CUL7: variants seen among roughly 807,000 people sequenced by gnomAD.
CUL7 encodes the protein cullin 7, also known as cullin-7.
A neutral mutation model predicts 177.7 loss-of-function variants in CUL7; 96 were observed. The ratio of observed to expected loss-of-function variants is 0.54; its 90% CI spans 0.46 to 0.64. The LOEUF is 0.64. CUL7 is among the 30% of genes least tolerant of loss of function. The pLI is 0.00. For missense variants in CUL7, 1,893 were observed against 2,187.9 expected, an observed-to-expected ratio of 0.87 and a Z score of 2.69; for synonymous variants, 824 against 890.2, an observed-to-expected ratio of 0.93 and a Z score of 1.32.
In CUL7 at chr6:43,040,351, C is replaced by T. The variant is rs751899710; in HGVS notation, c.4099G>A (p.Val1367Met). ...EEAGAAAVVDVAEGEEEEEEN... is the reference protein window; with the variant it reads ...EEAGAAAVVDMAEGEEEEEEN... Reference sequence around the variant, plus strand: ...TCCTCTTCCTCCTCTCCCTCCGCCACATCCACCACTGCTGCTGCCCCAGCT... The same window carrying T: ...TCCTCTTCCTCCTCTCCCTCCGCCATATCCACCACTGCTGCTGCCCCAGCT... The change falls in exon 22 of 26, where the codon GTG becomes ATG. Residue 1367 changes from valine to methionine, a missense_variant. By Grantham distance (21) the Val-to-Met change is conservative (BLOSUM62 1). Around this residue, in one of 5 missense-constraint regions of CUL7, gnomAD observed 973 missense variants for 1,140.9 expected, o/e 0.85. Transcript: ENST00000265348. This position sits in a 1 kb window ranked among gnomAD's most constrained non-coding sequence, Gnocchi z 4.2. 9.3e-6 allele frequency: 15 copies of T among 1,613,852 alleles called. No homozygotes were observed. Among genetic ancestry groups the T allele is most frequent in the Non-Finnish European group, 1.3e-5 (15 of 1,179,996 alleles).
intron 9 of CUL7, 168 bp downstream of exon 9, chr6:43,047,980 A>T: frequency 1.6e-6 from 1 of 606,960 alleles, no homozygotes; most frequent in Non-Finnish European, 2.9e-6. Context: ...GAACCATGTG[A>T]ATGTATTACC....
chr6:43,046,742 G>T, intron 10 of CUL7, 138 bp downstream of exon 10: 1 of 1,364,960 alleles, frequency 7.3e-7, no homozygotes, highest in South Asian at 1.2e-5. Context: ...ATGGGGCAGA[G>T]GGGAAGGGGA....
At position 43,045,627 on chromosome 6, in the gene CUL7, A is replaced by C; in HGVS notation, c.2822T>G (p.Phe941Cys). ...RVILLENLTR[F>C]WPIIQIRIKR... ...TATGCGGATCTGGATGATGGGCCAGAAGCGGGTCAGGTTCTCCAGGAGGAT... is the reference window on the plus strand; with the variant it reads ...TATGCGGATCTGGATGATGGGCCAGCAGCGGGTCAGGTTCTCCAGGAGGAT... Residue 941 changes from phenylalanine (F) to cysteine (C), a missense_variant, in exon 14 of 26, where the codon TTC (phenylalanine) becomes TGC (cysteine). Phe to Cys is a radical substitution (Grantham distance 205). Transcript: ENST00000265348. This position sits in a 1 kb window ranked among gnomAD's most constrained non-coding sequence, Gnocchi z 4.8. 6.2e-7 allele frequency: 1 copy of C among 1,614,238 alleles called. No homozygotes were observed. Among genetic ancestry groups the C allele is most frequent in the African/African-American group, 1.3e-5 (1 of 75,068 alleles).
intron 7 of CUL7, 83 bp downstream of exon 7, chr6:43,049,324 A>C (rs1764205463): frequency 5.1e-6 from 8 of 1,582,374 alleles, no homozygotes; most frequent in Non-Finnish European, 6.9e-6. Context: ...TCCAGAAAGG[A>C]TTGCATAAAA....
rs1440896331 is a variant in CUL7, at chr6:43,053,848, C to A, written c.-235G>T. 3 of 1,533,170 alleles carry A rather than the reference C, an allele frequency of 2.0e-6. No individual in the cohort carries two copies. The African/African-American group carries it at 4.1e-5, about 21-fold the overall frequency. 95.0% of individuals were successfully genotyped at this position (1,533,170 alleles called of 1,614,324 possible). A position where few individuals can be genotyped will look rare whatever the true frequency, so the allele number is the denominator to read the frequency against. On this transcript the variant is annotated 5_prime_UTR_variant, in exon 1 of 26. Transcript: ENST00000265348. The surrounding 1 kb of genome is among the most constrained non-coding windows in gnomAD (Gnocchi z 4.1). ...TGCCAGCGGCTCCGCCAGCCAAAAG[C>A]CACGGCTCATTTCCGCCCGACCCAG...
Position 43,053,206 on chromosome 6 carries a change from T to C in CUL7, c.-8-410A>G, listed in dbSNP as rs1396881810. Among the ~76,000 whole-genome samples, 2 of 152,074 alleles carry C rather than the reference T, an allele frequency of 1.3e-5. No homozygotes were observed. Among genetic ancestry groups the C allele is most frequent in the Non-Finnish European group, 2.9e-5 (2 of 68,000 alleles). ...CGTGAGTGTGTGTGAAAAGGGGTGC[T>C]GTCTCTAAGGATTGGAGCATGGGAG... On this transcript the variant is annotated intron_variant, in intron 1 of 25. Transcript: ENST00000265348. The surrounding 1 kb of genome is among the most constrained non-coding windows in gnomAD (Gnocchi z 4.1).
Position 43,040,200 on chromosome 6 carries a change from T to C in CUL7, c.4250A>G (p.Tyr1417Cys). 1 of 1,613,980 alleles carries C rather than the reference T, an allele frequency of 6.2e-7. No individual in the cohort carries two copies. Among genetic ancestry groups the C allele is most frequent in the Non-Finnish European group, 8.5e-7 (1 of 1,179,898 alleles). Residue 1417 changes from tyrosine (Y) to cysteine (C), a missense_variant, in exon 22 of 26, where the codon TAC becomes TGC. Tyr to Cys is a radical substitution (Grantham distance 194). Transcript: ENST00000265348. This position sits in a 1 kb window ranked among gnomAD's most constrained non-coding sequence, Gnocchi z 4.2. The stretch of plus-strand genomic sequence containing the variant: ...GTATCTGTTCAAAGTGCCCCTCAGG[T>C]AGGAGGGCAGGCAGGTTCTGGGGTT... Reference protein sequence around the residue: ...TLNPRTCLPSYLRGTLNRYSN... With the variant: ...TLNPRTCLPSCLRGTLNRYSN...
Position 43,038,640 on chromosome 6 carries a change from A to C in CUL7, c.4493T>G (p.Leu1498Arg). The C allele has an allele frequency of 6.2e-7, 1 of 1,613,324 alleles. No individual in the cohort carries two copies. Among genetic ancestry groups the C allele is most frequent in the Non-Finnish European group, 8.5e-7 (1 of 1,179,286 alleles). The change falls in exon 24 of 26, where the codon CTC (leucine) becomes CGC (arginine). Residue 1498 changes from leucine to arginine, a missense_variant. Leu to Arg is a moderately radical substitution (Grantham distance 102). Transcript: ENST00000265348. ...LAFSGLSADMLNQAIGPLTSS... is the reference protein window; with the variant it reads ...LAFSGLSADMRNQAIGPLTSS... ...GGTGAGGGGCCCAATCGCCTGATTG[A>C]GCATGTCTGCGGAGAGCCCTGAGAA...
rs58659748 is a variant in CUL7, at chr6:43,039,161, G to T, written c.4295-174C>A. On this transcript the variant is annotated intron_variant, in intron 22 of 25. Coordinates refer to ENST00000265348, the MANE Select transcript of CUL7 (RefSeq NM_014780.5). ...CCAGATCTCAGCCTTCTCTGGGCCT[G>T]CCTCTATGGCAAGCCTCAGGATCTG... Among the ~76,000 whole-genome samples, 7,699 of 152,280 alleles carry T rather than the reference G, an allele frequency of 0.051. 623 individuals carry two copies. The highest frequency in any genetic ancestry group is 0.17 in the African/African-American group (7,181 of 41,510).
chr6:43,040,792 G>A lies in CUL7; in HGVS notation c.3807-46C>T, dbSNP rs1561875395. On this transcript the variant is annotated intron_variant, in intron 20 of 25. Transcript: ENST00000265348. The surrounding 1 kb of genome is among the most constrained non-coding windows in gnomAD (Gnocchi z 4.2). ...GCCAAGCCTCAGTGTGGGCACCAGTGTGGCCCAGCCTCCCACTCCAAGGCT... is the reference window on the plus strand; with the variant it reads ...GCCAAGCCTCAGTGTGGGCACCAGTATGGCCCAGCCTCCCACTCCAAGGCT... The A allele has an allele frequency of 1.2e-6, 2 of 1,607,000 alleles. No homozygotes were observed. The highest frequency in any genetic ancestry group is 1.7e-6 in the Non-Finnish European group (2 of 1,173,836).
At position 43,043,933 on chromosome 6, in the gene CUL7, T is replaced by A. The variant is rs1298307821; in HGVS notation, c.3173-303A>T. On this transcript the variant is annotated intron_variant, in intron 16 of 25. Coordinates refer to ENST00000265348, the MANE Select transcript of CUL7 (RefSeq NM_014780.5). The surrounding 1 kb of genome is among the most constrained non-coding windows in gnomAD (Gnocchi z 4.2). ...TGGCTCATGCCTGTAATCCCAGCACTTTGGGAGGCTGAGGTGGGTGGATCA... is the reference window on the plus strand; with the variant it reads ...TGGCTCATGCCTGTAATCCCAGCACATTGGGAGGCTGAGGTGGGTGGATCA... Among the ~76,000 whole-genome samples the A allele has an allele frequency of 6.6e-6, 1 of 152,046 alleles. No individual in the cohort carries two copies. The highest frequency in any genetic ancestry group is 1.5e-5 in the Non-Finnish European group (1 of 67,996).
At position 43,048,089 on chromosome 6, in the gene CUL7, T is replaced by C. The variant is rs878921008; in HGVS notation, c.2169+59A>G. The C allele has an allele frequency of 3.7e-5, 41 of 1,115,740 alleles. No homozygotes were observed. The South Asian group carries it at 4.4e-4, about 12-fold the overall frequency. The allele number at this position is 1,115,740 out of a possible 1,614,324, so 69.1% of individuals were successfully genotyped here. A position where few individuals can be genotyped will look rare whatever the true frequency, so the allele number is the denominator to read the frequency against. On this transcript the variant is annotated intron_variant, in intron 9 of 25. Transcript: ENST00000265348. ...CAGAGCCTTGCCCAGCAGGTGTGCC[T>C]TGCCAGTGGCTGCCTTTATCCTCTC...
At position 43,043,716 on chromosome 6, in the gene CUL7, A is replaced by G; in HGVS notation, c.3173-86T>C. On this transcript the variant is annotated intron_variant, in intron 16 of 25. Transcript: ENST00000265348. The surrounding 1 kb of genome is among the most constrained non-coding windows in gnomAD (Gnocchi z 4.2). ...GGGCTGAACAGGAGTGTGGAGATAG[A>G]GCAACTGGACGGAATGATACAAGGA... 1.1e-6 allele frequency: 1 copy of G among 886,744 alleles called. No homozygotes were observed. The highest frequency in any genetic ancestry group is 1.9e-6 in the Non-Finnish European group (1 of 539,566). 54.9% of individuals were successfully genotyped at this position (886,744 alleles called of 1,614,324 possible).
In CUL7 at chr6:43,051,765, T is replaced by C. The variant is rs1442515074; in HGVS notation, c.581-2A>G. The stretch of plus-strand genomic sequence containing the variant: ...ACAGAAGGATCTGAGTCCGGGTCCC[T>C]GTAACCCACACCCCAGTTGGTAACT... On this transcript the variant is annotated splice_acceptor_variant, in intron 2 of 25. Coordinates refer to ENST00000265348, the MANE Select transcript of CUL7 (RefSeq NM_014780.5). LOFTEE classifies it high-confidence loss of function. This position sits in a 1 kb window ranked among gnomAD's most constrained non-coding sequence, Gnocchi z 5.0. 6.2e-7 allele frequency: 1 copy of C among 1,614,162 alleles called. No individual in the cohort carries two copies. The highest frequency in any genetic ancestry group is 1.3e-5 in the African/African-American group (1 of 75,058).
Position 43,045,791 on chromosome 6 carries a change from G to T in CUL7, c.2767-109C>A. The T allele has an allele frequency of 7.5e-7, 1 of 1,326,184 alleles. No individual in the cohort carries two copies. The allele number at this position is 1,326,184 out of a possible 1,614,324, so 82.2% of individuals were successfully genotyped here. A position where few individuals can be genotyped will look rare whatever the true frequency, so the allele number is the denominator to read the frequency against. On this transcript the variant is annotated intron_variant, in intron 13 of 25. Coordinates refer to ENST00000265348, the MANE Select transcript of CUL7 (RefSeq NM_014780.5). This position sits in a 1 kb window ranked among gnomAD's most constrained non-coding sequence, Gnocchi z 4.8. ...CCCTTCCCCAGCCCTGGGATGTGTA[G>T]GGTCCTGACAAAGCTGTCCTCATGC... is the stretch of plus-strand genomic sequence containing the variant.
rs758173618 is a variant in CUL7 at position 43,045,709 on chromosome 6, C to T, written c.2767-27G>A. The stretch of plus-strand genomic sequence containing the variant: ...TGGCAGGGGGCAGAGAAAGCTGTCA[C>T]CTCCACACATGCAGAGCCAAGTTGG... On this transcript the variant is annotated intron_variant, in intron 13 of 25. Coordinates refer to ENST00000265348, the MANE Select transcript of CUL7 (RefSeq NM_014780.5). This position sits in a 1 kb window ranked among gnomAD's most constrained non-coding sequence, Gnocchi z 4.8. 8 of 1,611,904 alleles carry T rather than the reference C, an allele frequency of 5.0e-6. 1 individual carries two copies. In the South Asian group the frequency reaches 7.7e-5, roughly 15 times the overall value.
chr6:43,053,817 G>A lies in CUL7; in HGVS notation c.-204C>T, dbSNP rs1764684327. 7.2e-6 allele frequency: 11 copies of A among 1,532,796 alleles called. No individual in the cohort carries two copies. In the South Asian group the frequency reaches 9.5e-5, roughly 13 times the overall value. The allele number at this position is 1,532,796 out of a possible 1,614,324, so 94.9% of individuals were successfully genotyped here. ...CAGCCACTGGGGCAGGGTGGGGCCC[G>A]GTCCCTGCCAGCGGCTCCGCCAGCC... On this transcript the variant is annotated 5_prime_UTR_variant, in exon 1 of 26. Coordinates refer to ENST00000265348, the MANE Select transcript of CUL7 (RefSeq NM_014780.5). This position sits in a 1 kb window ranked among gnomAD's most constrained non-coding sequence, Gnocchi z 4.1.
Position 43,050,207 on chromosome 6 carries a change from AG to A in CUL7, c.1373-49del. 2.5e-6 allele frequency: 4 copies of A among 1,614,174 alleles called. No homozygotes were observed. Among genetic ancestry groups the A allele is most frequent in the Non-Finnish European group, 3.4e-6 (4 of 1,180,034 alleles). On this transcript the variant is annotated intron_variant, in intron 5 of 25. Transcript: ENST00000265348. The surrounding 1 kb of genome is among the most constrained non-coding windows in gnomAD (Gnocchi z 4.1). The stretch of plus-strand genomic sequence containing the variant: ...ACAAGGATGTCACTAGCAACTCAGC[AG>A]GACCACCATTCCTCTGCTCAGAGCT...
At chr6:43,048,617 A>G in intron 7 of CUL7, 48 bp from the exon 8 acceptor site, 2 of 1,261,478 alleles carry the variant, frequency 1.6e-6, no homozygotes, top group Non-Finnish European at 2.3e-6. Flanking sequence ...TAGTAATGTG[A>G]AGGCTCAGAA....
Sources: allele counts gnomAD v4.1 joint callset (sites outside exome capture counted in the v4.1 genomes callset), GRCh38; gene constraint gnomAD v4.1.1; regional missense constraint gnomAD v4.1.1; non-coding constraint Gnocchi (gnomAD v3.1); transcripts MANE v1.5; gene names NCBI Gene and HGNC (gene_info 2026-07-23, HGNC 2026-07-21).